PHLPP2: variants seen among roughly 807,000 people sequenced by gnomAD.
PHLPP2 encodes PH domain and leucine rich repeat protein phosphatase 2.
PHLPP2 carries 66 observed loss-of-function variants against 124.9 expected under a neutral mutation model. The observed-to-expected ratio is 0.53, with a 90% CI of 0.43 to 0.65. The LOEUF is 0.65. Ranked by LOEUF, PHLPP2 falls within the 30% of genes least tolerant of loss-of-function variation. The probability of loss-of-function intolerance (pLI) is 0.00; values close to 1 mark genes in which losing one functional copy is unlikely to be tolerated. For missense variants in PHLPP2, 1,685 were observed against 1,600.4 expected (o/e 1.05, Z -0.90); for synonymous variants, 681 against 624.7 (o/e 1.09, Z -1.34).
intron 4 of PHLPP2, among the ~76,000 whole-genome samples, chr16:71,688,608 GTTTTT>G (rs371183298): frequency 1.6e-5 from 2 of 125,700 alleles, no homozygotes; most frequent in African/African-American, 6.1e-5. Flanking sequence ...TTCTCTGTGG[GTTTTT>G]TTTTTTTTTT....
intron 2 of PHLPP2, among the ~76,000 whole-genome samples, chr16:71,712,470 T>C (rs1361479839): frequency 1.3e-5 from 2 of 152,222 alleles, no homozygotes; most frequent in Admixed American, 1.3e-4. Flanking sequence ...TCTAATATCT[T>C]TGTATACATA....
chr16:71,662,301 A>T (rs1414284348), intron 13 of PHLPP2, among the ~76,000 whole-genome samples: 1 of 151,720 alleles, frequency 6.6e-6, no homozygotes. Flanking sequence ...GTGGTGGCAC[A>T]TGCTTATAAT....
chr16:71,679,317 A>G, intron 7 of PHLPP2, 72 bp downstream of exon 7: 1 of 1,319,494 alleles, frequency 7.6e-7, no homozygotes, highest in Non-Finnish European at 1.1e-6. Flanking sequence ...TCAAGATACT[A>G]CCTTCATTCC....
chr16:71,692,484 T>A lies in PHLPP2; in HGVS notation c.419-1775A>T, dbSNP rs550250145. ...AACCATGTGTTTCCCATATACAATA[T>A]GAGGAAATGAGCTAGATTACTTCAA... is the stretch of plus-strand genomic sequence containing the variant. On this transcript the variant is annotated intron_variant, in intron 3 of 18. Transcript: ENST00000568954. Among the ~76,000 whole-genome samples the A allele has an allele frequency of 2.0e-5, 3 of 152,334 alleles. No individual in the cohort carries two copies. The East Asian group carries it at 5.8e-4, about 29-fold the overall frequency.
intron 3 of PHLPP2, among the ~76,000 whole-genome samples, chr16:71,699,330 A>G (rs1438900633): frequency 6.6e-6 from 1 of 152,004 alleles, no homozygotes; most frequent in Non-Finnish European, 1.5e-5. Flanking sequence ...TACCAATCGA[A>G]TGTTGCCTTT....
rs1252931209 is a variant in PHLPP2 at position 71,667,175 on chromosome 16, T to C, written c.1784+3A>G. On this transcript the variant is annotated splice_donor_region_variant and intron_variant, in intron 12 of 18. Transcript: ENST00000568954. Reference sequence around the variant, plus strand: ...CTTCCGAAAAAAATCCTATGATACTTACTTTAAGGCCTTGGAGAAGAGGGT... The same window carrying C: ...CTTCCGAAAAAAATCCTATGATACTCACTTTAAGGCCTTGGAGAAGAGGGT... The C allele has an allele frequency of 2.5e-6, 4 of 1,607,416 alleles. No individual in the cohort carries two copies. The highest frequency in any genetic ancestry group is 1.7e-4 in the Middle Eastern group (1 of 6,020).
At chr16:71,716,815 A>G (rs2045366146) in intron 1 of PHLPP2, among the ~76,000 whole-genome samples, 1 of 152,270 alleles carries the variant, frequency 6.6e-6, no homozygotes, top group African/African-American at 2.4e-5. Context: ...CTCCCTAGAC[A>G]GAATTAATGA....
chr16:71,682,365 T>C (rs2045009360), intron 5 of PHLPP2, among the ~76,000 whole-genome samples: 1 of 152,044 alleles, frequency 6.6e-6, no homozygotes, highest in South Asian at 2.1e-4. Flanking sequence ...GTATTTTTAG[T>C]AGAGACGGGG....
At chr16:71,673,587 C>T (rs2044914496) in intron 9 of PHLPP2, among the ~76,000 whole-genome samples, 1 of 152,022 alleles carries the variant, frequency 6.6e-6, no homozygotes, top group Non-Finnish European at 1.5e-5. Flanking sequence ...TCAAACAAGC[C>T]CTGTTCAGTT....
intron 1 of PHLPP2, chr16:71,723,728 C>G: frequency 9.9e-7 from 1 of 1,012,604 alleles, no homozygotes; most frequent in South Asian, 1.8e-5. Flanking sequence ...CGCTTGCCCG[C>G]TCGCCCGCTC....
At position 71,663,324 on chromosome 16, in the gene PHLPP2, G is replaced by A. The variant is rs573212834; in HGVS notation, c.1985+575C>T. The stretch of plus-strand genomic sequence containing the variant: ...GATGGGGTTTCACCATATGGGCCAG[G>A]CTGGTCTCGAACTCACGAACTTGTG... On this transcript the variant is annotated intron_variant, in intron 13 of 18. Coordinates refer to ENST00000568954, the MANE Select transcript of PHLPP2 (RefSeq NM_015020.3). Among the ~76,000 whole-genome samples, 3 of 152,300 alleles carry A rather than the reference G, an allele frequency of 2.0e-5. No individual in the cohort carries two copies. In the South Asian group the frequency reaches 6.2e-4, roughly 32 times the overall value.
At chr16:71,693,118 C>A in intron 3 of PHLPP2, among the ~76,000 whole-genome samples, 1 of 152,104 alleles carries the variant, frequency 6.6e-6, no homozygotes. Flanking sequence ...GAAACCCCAT[C>A]TCTACTAAAA....
chr16:71,716,220 T>C (rs1315329786), intron 1 of PHLPP2, among the ~76,000 whole-genome samples: 1 of 152,206 alleles, frequency 6.6e-6, no homozygotes, highest in Admixed American at 6.5e-5. Context: ...AGCATTCAGT[T>C]TGCTTCCAAT....
At chr16:71,669,151 T>C in intron 11 of PHLPP2, 124 bp downstream of exon 11, 1 of 625,488 alleles carries the variant, frequency 1.6e-6, no homozygotes, top group East Asian at 2.6e-5. Context: ...TCACACTGCC[T>C]CATGCTCAGC....
intron 3 of PHLPP2, among the ~76,000 whole-genome samples, chr16:71,695,943 T>G (rs147722487): frequency 1.7e-3 from 256 of 152,252 alleles, no homozygotes; most frequent in Non-Finnish European, 2.6e-3. Flanking sequence ...TATAGAGCAG[T>G]TAATGGACTT....
intron 2 of PHLPP2, among the ~76,000 whole-genome samples, chr16:71,704,911 G>A (rs117421812): frequency 8.4e-4 from 128 of 152,202 alleles, no homozygotes; most frequent in Non-Finnish European, 1.6e-3. Flanking sequence ...AACTGATGGA[G>A]GATTAACTTC....
At chr16:71,657,052 C>A (rs1201544927) in intron 15 of PHLPP2, among the ~76,000 whole-genome samples, 1 of 152,060 alleles carries the variant, frequency 6.6e-6, no homozygotes, top group East Asian at 1.9e-4. Context: ...AAACGATTCT[C>A]CTGCCTCAAC....
intron 5 of PHLPP2, among the ~76,000 whole-genome samples, chr16:71,683,986 T>G (rs1026454428): frequency 6.6e-6 from 1 of 152,032 alleles, no homozygotes; most frequent in Non-Finnish European, 1.5e-5. Flanking sequence ...GAGACGGGGT[T>G]TCTCCATGTT....
At chr16:71,695,194 T>C (rs1348159764) in intron 3 of PHLPP2, among the ~76,000 whole-genome samples, 1 of 152,234 alleles carries the variant, frequency 6.6e-6, no homozygotes. Context: ...AAAAGTGTTC[T>C]GCAGTAGTAA....
Sources: gnomAD v4.1 joint callset for allele counts (sites outside exome capture counted in the v4.1 genomes callset) on GRCh38, gnomAD v4.1.1 for gene constraint, MANE v1.5 for transcripts, NCBI Gene and HGNC (gene_info 2026-07-23, HGNC 2026-07-21) for gene names.